The following GDAP2 variants were observed in gnomAD, a reference collection of about 807,000 sequenced individuals.
The protein encoded by GDAP2 is ganglioside-induced differentiation-associated protein 2.
A neutral mutation model predicts 67.0 loss-of-function variants in GDAP2; 51 were observed. The ratio of observed to expected loss-of-function variants is 0.76; its 90% CI spans 0.61 to 0.96. The LOEUF (loss-of-function observed/expected upper bound fraction) is 0.96. GDAP2 is among the 40% of genes least tolerant of loss of function. The probability of loss-of-function intolerance (pLI) is 0.00; values close to 1 mark genes in which losing one functional copy is unlikely to be tolerated. For synonymous variants in GDAP2, 203 were observed against 207.3 expected (o/e 0.98, Z 0.18); for missense variants, 547 against 588.3 (o/e 0.93, Z 0.73).
At chr1:117,904,763 AT>A (rs1346607542) in intron 6 of GDAP2, among the ~76,000 whole-genome samples, 1 of 151,952 alleles carries the variant, frequency 6.6e-6, no homozygotes, top group East Asian at 1.9e-4. Flanking sequence ...GCCATATCTC[AT>A]TTGTATCCTA....
intron 6 of GDAP2, among the ~76,000 whole-genome samples, chr1:117,903,362 G>A (rs1040136910): frequency 1.3e-5 from 2 of 152,042 alleles, no homozygotes; most frequent in Admixed American, 6.5e-5. Flanking sequence ...CTGATCTTAG[G>A]CAGAAAGCTT....
In GDAP2 at chr1:117,896,822, G is replaced by A. The variant is rs201502623; in HGVS notation, c.953+11C>T. The A allele has an allele frequency of 6.2e-7, 1 of 1,600,988 alleles. No individual in the cohort carries two copies. The highest frequency in any genetic ancestry group is 8.5e-7 in the Non-Finnish European group (1 of 1,172,166). On this transcript the variant is annotated intron_variant, in intron 8 of 13. Transcript: ENST00000369443. ...CCTTATGTATCTAACAGTCCTGAAG[G>A]GTTGTCTTACTTTCTTTGATGCTGC...
At chr1:117,916,176 A>G (rs559754191) in intron 3 of GDAP2, among the ~76,000 whole-genome samples, 3 of 152,226 alleles carry the variant, frequency 2.0e-5, no homozygotes, top group Non-Finnish European at 4.4e-5. Context: ...CTGGCAGCAC[A>G]TACTATGGGT....
intron 1 of GDAP2, among the ~76,000 whole-genome samples, chr1:117,923,162 G>T (rs1368894101): frequency 1.3e-5 from 2 of 152,118 alleles, no homozygotes; most frequent in African/African-American, 4.8e-5. Context: ...CTTTTTTGAA[G>T]GTGCCCAGAT....
chr1:117,865,827 C>G lies in GDAP2; in HGVS notation c.*4742G>C, dbSNP rs539641688. The stretch of plus-strand genomic sequence containing the variant: ...AAATAACTAATATACAAGAGAGTCA[C>G]TAATATCTAAAATGATCTTGATACC... On this transcript the variant is annotated 3_prime_UTR_variant, in exon 14 of 14. Transcript: ENST00000369443. 16 of 152,172 alleles carry G rather than the reference C, an allele frequency of 1.1e-4. No homozygotes were observed. Among genetic ancestry groups the G allele is most frequent in the Non-Finnish European group, 2.1e-4 (14 of 68,036 alleles). The allele number at this position is 152,172 out of a possible 1,614,324, so 9.4% of individuals were successfully genotyped here.
intron 6 of GDAP2, among the ~76,000 whole-genome samples, chr1:117,903,431 G>A (rs1649549533): frequency 6.6e-6 from 1 of 152,060 alleles, no homozygotes; most frequent in Admixed American, 6.6e-5. Flanking sequence ...CCTTTTTCAG[G>A]CTGAAGCAGT....
intron 13 of GDAP2, chr1:117,877,568 C>A: frequency 2.0e-6 from 2 of 975,974 alleles, no homozygotes; most frequent in Non-Finnish European, 1.2e-6. Context: ...CATTATACAA[C>A]CTTTTAGATA....
At chr1:117,921,536 G>A (rs2101168375) in intron 1 of GDAP2, among the ~76,000 whole-genome samples, 1 of 152,292 alleles carries the variant, frequency 6.6e-6, no homozygotes, top group East Asian at 1.9e-4. Flanking sequence ...CAAATAGGCA[G>A]GAAGGATCTT....
At chr1:117,893,380 C>T (rs1649156770) in intron 8 of GDAP2, among the ~76,000 whole-genome samples, 1 of 152,050 alleles carries the variant, frequency 6.6e-6, no homozygotes, top group East Asian at 1.9e-4. Context: ...GAAAGCACGT[C>T]TAATTTTTCA....
chr1:117,887,952 T>C (rs1291975358), intron 8 of GDAP2, among the ~76,000 whole-genome samples, 178 bp from the exon 9 acceptor site: 1 of 152,134 alleles, frequency 6.6e-6, no homozygotes, highest in Non-Finnish European at 1.5e-5. Context: ...ATGTTATTGA[T>C]AAAATAAACA....
At chr1:117,901,014 C>T (rs985987207) in intron 6 of GDAP2, among the ~76,000 whole-genome samples, 4 of 151,968 alleles carry the variant, frequency 2.6e-5, no homozygotes, top group Non-Finnish European at 5.9e-5. Context: ...GAGCCGAGAT[C>T]GTGCCACTCT....
chr1:117,911,847 C>G, intron 5 of GDAP2, 147 bp downstream of exon 5: 1 of 567,654 alleles, frequency 1.8e-6, no homozygotes, highest in Non-Finnish European at 3.2e-6. Context: ...GCAATCACAG[C>G]TCACTGCAGC....
In GDAP2 at chr1:117,899,121, T is replaced by C; in HGVS notation, c.732A>G (p.Ala244=). The C allele has an allele frequency of 6.2e-7, 1 of 1,612,352 alleles. No homozygotes were observed. Among genetic ancestry groups the C allele is most frequent in the Non-Finnish European group, 8.5e-7 (1 of 1,178,384 alleles). Residue 244 remains alanine (A), a synonymous_variant, in exon 7 of 14, where the codon GCA becomes GCG. Coordinates refer to ENST00000369443, the MANE Select transcript of GDAP2 (RefSeq NM_017686.4). Reference sequence around the variant, plus strand: ...GTTCAGGTACCACAGGCTCCCCTTCTGCATTTCCAATATCTGCAGGTAGGT... The same window carrying C: ...GTTCAGGTACCACAGGCTCCCCTTCCGCATTTCCAATATCTGCAGGTAGGT... The part of the protein sequence containing the change: ...LPYLPADIGN[A]EGEPVVPERQ...
intron 12 of GDAP2, 114 bp downstream of exon 12, chr1:117,881,709 A>C (rs980102854): frequency 4.3e-6 from 3 of 702,236 alleles, no homozygotes; most frequent in African/African-American, 1.8e-5. Context: ...GAAACCAGGA[A>C]ATTAGCAGTC....
At chr1:117,895,438 AAAAT>A (rs1372687345) in intron 8 of GDAP2, among the ~76,000 whole-genome samples, 1 of 152,196 alleles carries the variant, frequency 6.6e-6, no homozygotes, top group Non-Finnish European at 1.5e-5. Flanking sequence ...AAGTTATTTT[AAAAT>A]AAATAAATAA....
At chr1:117,898,920 T>A (rs1398808744) in intron 7 of GDAP2, 137 bp downstream of exon 7, 2 of 677,780 alleles carry the variant, frequency 3.0e-6, no homozygotes, top group Non-Finnish European at 5.2e-6. Flanking sequence ...CTTGAAAACT[T>A]CTAAACTGGT....
At chr1:117,905,721 G>T (rs1649631584) in intron 6 of GDAP2, among the ~76,000 whole-genome samples, 1 of 152,092 alleles carries the variant, frequency 6.6e-6, no homozygotes, top group Non-Finnish European at 1.5e-5. Flanking sequence ...AAGATCACTG[G>T]AAGATTCTAT....
intron 6 of GDAP2, 64 bp from the exon 7 acceptor site, chr1:117,899,280 C>G (rs1172257713): frequency 1.8e-5 from 20 of 1,103,732 alleles, no homozygotes; most frequent in Middle Eastern, 2.5e-4. Context: ...CTCAGCAGTA[C>G]TTAGTGCTGT....
chr1:117,868,842 A>G lies in GDAP2; in HGVS notation c.*1727T>C, dbSNP rs969743071. 2 of 152,208 alleles carry G rather than the reference A, an allele frequency of 1.3e-5. No homozygotes were observed. Among genetic ancestry groups the G allele is most frequent in the Non-Finnish European group, 2.9e-5 (2 of 68,034 alleles). The allele number at this position is 152,208 out of a possible 1,614,324, so 9.4% of individuals were successfully genotyped here. A position where few individuals can be genotyped will look rare whatever the true frequency, so the allele number is the denominator to read the frequency against. On this transcript the variant is annotated 3_prime_UTR_variant, in exon 14 of 14. Coordinates refer to ENST00000369443, the MANE Select transcript of GDAP2 (RefSeq NM_017686.4). ...AGGGGACATAAGAGAAAATCTTAAC[A>G]TAGATGTATATATAAGGATCAAGTA...
Sources: allele counts gnomAD v4.1 joint callset (sites outside exome capture counted in the v4.1 genomes callset), GRCh38; gene constraint gnomAD v4.1.1; transcripts MANE v1.5; gene names NCBI Gene and HGNC (gene_info 2026-07-23, HGNC 2026-07-21).